FAF1: variants seen among roughly 807,000 people sequenced by gnomAD.
FAF1 encodes Fas associated factor 1, also known as FAS-associated factor 1.
A neutral mutation model predicts 92.5 loss-of-function variants in FAF1; 25 were observed. The ratio of observed to expected loss-of-function variants is 0.27; its 90% CI spans 0.20 to 0.38. The LOEUF (loss-of-function observed/expected upper bound fraction) is 0.38. Among genes scored for constraint, FAF1 ranks in the 10% least tolerant of loss-of-function variants. The pLI, the probability that FAF1 is intolerant of heterozygous loss-of-function variation, is 1.00. For synonymous variants in FAF1, 234 were observed against 273.2 expected (o/e 0.86, Z 1.42); for missense variants, 636 against 793.3 (o/e 0.80, Z 2.38).
chr1:50,453,348 C>T (rs1646315628), intron 18 of FAF1, among the ~76,000 whole-genome samples: 1 of 152,114 alleles, frequency 6.6e-6, no homozygotes, highest in African/African-American at 2.4e-5. Context: ...GTGTGCATTG[C>T]TCTGCACGCA....
chr1:50,723,481 G>C (rs1350462812), intron 6 of FAF1, among the ~76,000 whole-genome samples: 2 of 152,046 alleles, frequency 1.3e-5, no homozygotes, highest in African/African-American at 4.8e-5. Context: ...TCTCACAACA[G>C]TTCTACTATG....
intron 7 of FAF1, among the ~76,000 whole-genome samples, chr1:50,693,571 T>A (rs1369086263): frequency 1.3e-5 from 2 of 152,128 alleles, no homozygotes; most frequent in Non-Finnish European, 2.9e-5. Context: ...ACTTTTACAA[T>A]CTTATTGTAG....
chr1:50,758,971 T>G (rs143813643), intron 4 of FAF1, among the ~76,000 whole-genome samples: 1,890 of 151,982 alleles, frequency 0.012, 15 homozygotes, highest in Non-Finnish European at 0.02. Flanking sequence ...GCCTTCCGAG[T>G]AGCTGGGACT....
chr1:50,441,607 G>A (rs1000479143), intron 18 of FAF1, 84 bp from the exon 19 acceptor site: 76 of 674,836 alleles, frequency 1.1e-4, no homozygotes, highest in Admixed American at 1.3e-4. Context: ...TATGCACACT[G>A]ATTCTGAAAC....
intron 8 of FAF1, among the ~76,000 whole-genome samples, chr1:50,627,307 G>GTTTT (rs1653550208): frequency 1.3e-5 from 2 of 152,134 alleles, no homozygotes; most frequent in Admixed American, 1.3e-4. Context: ...GGATGAGCTT[G>GTTTT]CAAAGGAGAT....
intron 8 of FAF1, among the ~76,000 whole-genome samples, chr1:50,639,546 C>G (rs563484770): frequency 2.0e-5 from 3 of 152,310 alleles, no homozygotes; most frequent in Admixed American, 2.0e-4. Flanking sequence ...GCACCATCCA[C>G]GTACTCCTGA....
At chr1:50,774,624 T>C (rs1441736098) in intron 4 of FAF1, among the ~76,000 whole-genome samples, 1 of 152,188 alleles carries the variant, frequency 6.6e-6, no homozygotes, top group East Asian at 1.9e-4. Context: ...TTTTCTGCTA[T>C]ATCTCAAAAA....
intron 8 of FAF1, among the ~76,000 whole-genome samples, chr1:50,635,421 G>T (rs1653965581): frequency 6.6e-6 from 1 of 152,050 alleles, no homozygotes; most frequent in Admixed American, 6.6e-5. Flanking sequence ...GAGTAATCTG[G>T]TTGTTGTTTT....
chr1:50,776,293 T>C (rs538401260), intron 4 of FAF1, among the ~76,000 whole-genome samples: 30 of 152,198 alleles, frequency 2.0e-4, no homozygotes, highest in Non-Finnish European at 3.1e-4. Flanking sequence ...AGACACATTA[T>C]AAATACAACT....
At chr1:50,858,657 T>A (rs191455729) in intron 1 of FAF1, among the ~76,000 whole-genome samples, 156 of 152,016 alleles carry the variant, frequency 1.0e-3, no homozygotes, top group African/African-American at 3.5e-3. Context: ...AAATAAAACA[T>A]GTTAAAATTA....
chr1:50,499,363 G>GTGTTT (rs759738462), intron 15 of FAF1, among the ~76,000 whole-genome samples: 2 of 110,098 alleles, frequency 1.8e-5, no homozygotes, highest in Non-Finnish European at 1.9e-5. Context: ...TAGCTGTAGG[G>GTGTTT]TTTTTTTTTT....
At chr1:50,789,686 C>T (rs1244738515) in intron 3 of FAF1, among the ~76,000 whole-genome samples, 1 of 152,076 alleles carries the variant, frequency 6.6e-6, no homozygotes, top group Non-Finnish European at 1.5e-5. Context: ...TCCATCATGC[C>T]CCTAGAGTGA....
intron 15 of FAF1, among the ~76,000 whole-genome samples, chr1:50,503,699 G>C (rs1217124072): frequency 1.3e-5 from 2 of 151,496 alleles, no homozygotes; most frequent in Non-Finnish European, 2.9e-5. Context: ...ATACTATTCA[G>C]CAAGTAAAAG....
chr1:50,802,519 T>C (rs1235601700), intron 2 of FAF1, among the ~76,000 whole-genome samples: 1 of 152,144 alleles, frequency 6.6e-6, no homozygotes, highest in Non-Finnish European at 1.5e-5. Context: ...TTTCCTTATA[T>C]AAAACATCCC....
At chr1:50,512,333 GT>G (rs1402363650) in intron 15 of FAF1, among the ~76,000 whole-genome samples, 1 of 152,126 alleles carries the variant, frequency 6.6e-6, no homozygotes, top group Admixed American at 6.5e-5. Flanking sequence ...GTCCTGAATG[GT>G]ATTGCCTAGG....
chr1:50,891,962 T>G (rs1196148270), intron 1 of FAF1, among the ~76,000 whole-genome samples: 1 of 151,942 alleles, frequency 6.6e-6, no homozygotes, highest in Non-Finnish European at 1.5e-5. Flanking sequence ...AGAGGTGGAG[T>G]CTACAGAGGC....
At chr1:50,891,483 C>G (rs998063040) in intron 1 of FAF1, among the ~76,000 whole-genome samples, 2 of 152,090 alleles carry the variant, frequency 1.3e-5, no homozygotes, top group Admixed American at 1.3e-4. Flanking sequence ...TTCTTGCCAT[C>G]TTTGTGTTTT....
chr1:50,758,290 G>GCTTGCC lies in FAF1; in HGVS notation c.368-13516_368-13515insGGCAAG, dbSNP rs1186518378. ...GATGGTCTCAAACTCCTGACCTCAA[G>GCTTGCC]TGATCCACCTGCCTCGGCCTCCCAA... On this transcript the variant is annotated intron_variant, in intron 4 of 18. Coordinates refer to ENST00000396153, the MANE Select transcript of FAF1 (RefSeq NM_007051.3). Among the ~76,000 whole-genome samples, 55 of 152,276 alleles carry GCTTGCC rather than the reference G, an allele frequency of 3.6e-4. 4 individuals carry two copies. The highest frequency in any genetic ancestry group is 1.3e-3 in the African/African-American group (54 of 41,580).
chr1:50,885,324 A>ACACACACACACACACCCACACC (rs1644651416), intron 1 of FAF1, among the ~76,000 whole-genome samples: 1 of 102,212 alleles, frequency 9.8e-6, no homozygotes, highest in East Asian at 3.0e-4. Flanking sequence ...ACACACACAC[A>ACACACACACACACACCCACACC]CTCTCTCTCT....
Sources: gnomAD v4.1 joint callset for allele counts (sites outside exome capture counted in the v4.1 genomes callset) on GRCh38, gnomAD v4.1.1 for gene constraint, MANE v1.5 for transcripts, NCBI Gene and HGNC (gene_info 2026-07-23, HGNC 2026-07-21) for gene names.